Variants in HEATR4 observed in about 807,000 individuals in gnomAD.
HEATR4 encodes HEAT repeat containing 4.
A neutral mutation model predicts 108.8 loss-of-function variants in HEATR4; 95 were observed. The observed-to-expected ratio is 0.87, with a 90% CI of 0.74 to 1.04. The LOEUF (loss-of-function observed/expected upper bound fraction) is 1.04. Ranked by LOEUF, HEATR4 falls within the 50% of genes least tolerant of loss-of-function variation. HEATR4 has a pLI of 0.00. For synonymous variants in HEATR4, 443 were observed against 459.4 expected (o/e 0.96, Z 0.46); for missense variants, 1,152 against 1,253.8 (o/e 0.92, Z 1.23).
chr14:73,550,922 G>A (rs1475520057), intron 1 of HEATR4, among the ~76,000 whole-genome samples: 1 of 114,532 alleles, frequency 8.7e-6, no homozygotes, highest in Non-Finnish European at 1.9e-5. Context: ...CACTTTGGGA[G>A]ACAGAGGCGG....
chr14:73,508,751 CAAA>C (rs770608293), intron 8 of HEATR4, among the ~76,000 whole-genome samples: 4 of 57,878 alleles, frequency 6.9e-5, no homozygotes, highest in African/African-American at 6.5e-5. Flanking sequence ...AACTCTGTCT[CAAA>C]AAAAAAAAAA....
Position 73,478,815 on chromosome 14 carries a change from A to G in HEATR4, c.2872T>C (p.Trp958Arg). 1 of 1,610,070 alleles carries G rather than the reference A, an allele frequency of 6.2e-7. No individual in the cohort carries two copies. Among genetic ancestry groups the G allele is most frequent in the Non-Finnish European group, 8.5e-7 (1 of 1,177,970 alleles). The change falls in exon 18 of 18, where the codon TGG (tryptophan) becomes CGG (arginine). Residue 958 changes from tryptophan to arginine, a missense_variant. By Grantham distance (101) the Trp-to-Arg change is moderately radical (BLOSUM62 -3). Coordinates refer to ENST00000553558, the MANE Select transcript of HEATR4 (RefSeq NM_001220484.1). ...KPVKPRAPNPWLQSSVPGLTT... is the reference protein window; with the variant it reads ...KPVKPRAPNPRLQSSVPGLTT... ...AGGCCTGGGACTGAACTTTGTAACC[A>G]GGGATTTGGTGCGCGGGGCTTCACA... is the stretch of plus-strand genomic sequence containing the variant.
chr14:73,619,608 T>A, the HEATR4 span: 2 of 1,614,192 alleles, frequency 1.2e-6, no homozygotes, highest in Non-Finnish European at 1.7e-6. Context: ...TACAAGCTCA[T>A]GGGAAAGAAA....
intron 11 of HEATR4, among the ~76,000 whole-genome samples, chr14:73,501,608 CTG>C (rs1258216767): frequency 2.3e-5 from 3 of 128,276 alleles, no homozygotes; most frequent in African/African-American, 8.9e-5. Flanking sequence ...GGGTCTTTCT[CTG>C]TTGCCCAGGC....
At chr14:73,487,968 G>A (rs1217134800) in intron 17 of HEATR4, among the ~76,000 whole-genome samples, 1 of 152,168 alleles carries the variant, frequency 6.6e-6, no homozygotes, top group African/African-American at 2.4e-5. Flanking sequence ...GGGATGATAG[G>A]CTGTAACATT....
At chr14:73,570,342 G>T in the HEATR4 span, among the ~76,000 whole-genome samples, 1 of 151,804 alleles carries the variant, frequency 6.6e-6, no homozygotes, top group South Asian at 2.1e-4. Flanking sequence ...AGTCTCGGCG[G>T]GCAGATCACG....
At chr14:73,564,935 C>A in the HEATR4 span, among the ~76,000 whole-genome samples, 1 of 151,882 alleles carries the variant, frequency 6.6e-6, no homozygotes, top group Non-Finnish European at 1.5e-5. Context: ...TATATTTATA[C>A]TGTTCTCTAA....
Position 73,520,889 on chromosome 14 carries a change from G to A in HEATR4, c.1032C>T (p.Tyr344=), listed in dbSNP as rs1266294798. 6.2e-7 allele frequency: 1 copy of A among 1,614,092 alleles called. No homozygotes were observed. The highest frequency in any genetic ancestry group is 2.2e-5 in the East Asian group (1 of 44,866). Reference sequence around the variant, plus strand: ...CCTGTTCAAAGGTGTTGTCTGTGGAGTAGGCAAACTTTCCAGCTCGGGGAG... The same window carrying A: ...CCTGTTCAAAGGTGTTGTCTGTGGAATAGGCAAACTTTCCAGCTCGGGGAG... ...QVTPRAGKFA[Y]STDNTFEQEI... Residue 344 remains tyrosine, a synonymous_variant, in exon 4 of 18, where the codon TAC becomes TAT. Transcript: ENST00000553558.
In HEATR4 at chr14:73,509,403, G is replaced by C. The variant is rs1336498097; in HGVS notation, c.1629C>G (p.Ala543=). The change falls in exon 8 of 18, where the codon GCC becomes GCG. Residue 543 remains alanine (A), a synonymous_variant. Coordinates refer to ENST00000553558, the MANE Select transcript of HEATR4 (RefSeq NM_001220484.1). Reference sequence around the variant, plus strand: ...ATATTGCTGCTGCCATCCGCACATGGGCATTCTTGTCACAAAGAGCAGCCT... The same window carrying C: ...ATATTGCTGCTGCCATCCGCACATGCGCATTCTTGTCACAAAGAGCAGCCT... ...ALEAALCDKN[A]HVRMAAAICQ... is the part of the protein sequence containing the mutation. 6.2e-7 allele frequency: 1 copy of C among 1,614,052 alleles called. No individual in the cohort carries two copies. Among genetic ancestry groups the C allele is most frequent in the Non-Finnish European group, 8.5e-7 (1 of 1,180,002 alleles).
chr14:73,505,211 C>T (rs1005687539), intron 10 of HEATR4, among the ~76,000 whole-genome samples: 10 of 152,120 alleles, frequency 6.6e-5, no homozygotes, highest in East Asian at 1.9e-4. Flanking sequence ...GCCACCGTAC[C>T]GGACCCCTTC....
intron 1 of HEATR4, among the ~76,000 whole-genome samples, chr14:73,557,116 C>G (rs1889411437): frequency 8.8e-6 from 1 of 113,328 alleles, no homozygotes; most frequent in African/African-American, 2.9e-5. Context: ...TAAGTCAATC[C>G]TGGCATAACT....
At chr14:73,490,990 G>A (rs145281374) in intron 17 of HEATR4, 34,826 of 1,340,654 alleles carry the variant, frequency 0.026, 536 homozygotes, top group Middle Eastern at 0.034. Context: ...CCGGCCGGCC[G>A]GGCGGGGAAG....
At chr14:73,568,522 G>A in the HEATR4 span, among the ~76,000 whole-genome samples, 1 of 151,822 alleles carries the variant, frequency 6.6e-6, no homozygotes, top group Non-Finnish European at 1.5e-5. Flanking sequence ...ATGGTAAACT[G>A]CCGCTGTACT....
At position 73,503,108 on chromosome 14, in the gene HEATR4, C is replaced by G. The variant is rs139592781; in HGVS notation, c.1987-95G>C. Reference sequence around the variant, plus strand: ...TTTTTTCTTCTTTTTTTACTCATCACTGTACTAATGAGGATTGTCCTGAGT... The same window carrying G: ...TTTTTTCTTCTTTTTTTACTCATCAGTGTACTAATGAGGATTGTCCTGAGT... On this transcript the variant is annotated intron_variant, in intron 10 of 17. Coordinates refer to ENST00000553558, the MANE Select transcript of HEATR4 (RefSeq NM_001220484.1). 5.2e-6 allele frequency: 5 copies of G among 960,206 alleles called. No individual in the cohort carries two copies. In the East Asian group the frequency reaches 1.2e-4, roughly 23 times the overall value. 59.5% of individuals were successfully genotyped at this position (960,206 alleles called of 1,614,324 possible).
the HEATR4 span, among the ~76,000 whole-genome samples, chr14:73,611,863 A>G: frequency 2.0e-5 from 3 of 152,122 alleles, no homozygotes; most frequent in African/African-American, 7.2e-5. Context: ...TAAGGGACTG[A>G]GGGGTAAAGG....
chr14:73,510,209 T>TA (rs200166097), intron 7 of HEATR4, among the ~76,000 whole-genome samples: 3,033 of 152,054 alleles, frequency 0.02, 114 homozygotes, highest in African/African-American at 0.069. Flanking sequence ...TGCTTTATAA[T>TA]ATAGTGTTTT....
chr14:73,612,512 C>A, the HEATR4 span: 2 of 1,129,840 alleles, frequency 1.8e-6, no homozygotes, highest in Non-Finnish European at 2.3e-6. Context: ...CTCGGCAAAG[C>A]CGCCAGGCCC....
the HEATR4 span, chr14:73,595,666 G>T: frequency 6.6e-7 from 1 of 1,512,208 alleles, no homozygotes; most frequent in Non-Finnish European, 8.8e-7. Flanking sequence ...GCATTTGTCT[G>T]TTGTTGACAT....
At position 73,495,283 on chromosome 14, in the gene HEATR4, G is replaced by A; in HGVS notation, c.2730C>T (p.Pro910=). ...REEAKRVYLK[P]KGEQGPLTLQ... Reference sequence around the variant, plus strand: ...GTGTTAGTGGTCCTTGTTCTCCTTTGGGTTTCAAGTAAACACGTTTTGCTT... The same window carrying A: ...GTGTTAGTGGTCCTTGTTCTCCTTTAGGTTTCAAGTAAACACGTTTTGCTT... The change falls in exon 16 of 18, where the codon CCC becomes CCT. Residue 910 remains proline, a synonymous_variant. Transcript: ENST00000553558. 1 of 1,613,980 alleles carries A rather than the reference G, an allele frequency of 6.2e-7. No homozygotes were observed.
Sources: allele counts gnomAD v4.1 joint callset (sites outside exome capture counted in the v4.1 genomes callset), GRCh38; gene constraint gnomAD v4.1.1; transcripts MANE v1.5; gene names NCBI Gene and HGNC (gene_info 2026-07-23, HGNC 2026-07-21).